The following NIBAN1 variants were observed in gnomAD, a reference collection of about 807,000 sequenced individuals.
The protein encoded by NIBAN1 is protein Niban 1.
In NIBAN1, 81 loss-of-function variants were observed where a neutral mutation model predicts 75.1. The ratio of observed to expected loss-of-function variants is 1.08; its 90% CI spans 0.90 to 1.30. The LOEUF is 1.30. Among genes scored for constraint, NIBAN1 ranks in the 50% most tolerant of loss-of-function variants. The pLI, the probability that NIBAN1 is intolerant of heterozygous loss-of-function variation, is 0.00. For synonymous variants in NIBAN1, 436 were observed against 424.8 expected (o/e 1.03, Z -0.32); for missense variants, 1,133 against 1,128.1 (o/e 1.00, Z -0.06).
intron 9 of NIBAN1, among the ~76,000 whole-genome samples, chr1:184,816,477 G>A (rs944000193): frequency 6.6e-6 from 1 of 152,214 alleles, no homozygotes; most frequent in African/African-American, 2.4e-5. Flanking sequence ...TGAAAACCTG[G>A]CCCAAGAGGG....
chr1:184,971,915 TATC>T (rs1298761226), intron 1 of NIBAN1, among the ~76,000 whole-genome samples: 1 of 152,242 alleles, frequency 6.6e-6, no homozygotes, highest in Non-Finnish European at 1.5e-5. Flanking sequence ...GTAGATGATA[TATC>T]TTTACCTGAA....
At chr1:184,937,096 A>AT (rs1657981526) in intron 1 of NIBAN1, among the ~76,000 whole-genome samples, 2 of 150,856 alleles carry the variant, frequency 1.3e-5, no homozygotes, top group Admixed American at 6.6e-5. Flanking sequence ...ATATTATGTA[A>AT]TACTGAGGAC....
intron 5 of NIBAN1, among the ~76,000 whole-genome samples, chr1:184,884,149 C>T (rs1450097198): frequency 6.6e-6 from 1 of 151,744 alleles, no homozygotes; most frequent in Non-Finnish European, 1.5e-5. Context: ...AGGTGAGGCT[C>T]CTTGTGCACA....
intron 5 of NIBAN1, among the ~76,000 whole-genome samples, chr1:184,882,731 G>A (rs1404578854): frequency 6.6e-6 from 1 of 152,148 alleles, no homozygotes; most frequent in Non-Finnish European, 1.5e-5. Flanking sequence ...GTCCCATTTG[G>A]CTGGGCAGGG....
At chr1:184,861,074 C>T (rs1655803451) in intron 5 of NIBAN1, among the ~76,000 whole-genome samples, 1 of 152,204 alleles carries the variant, frequency 6.6e-6, no homozygotes, top group African/African-American at 2.4e-5. Context: ...AAATAGTAAA[C>T]ATTGTAGGCT....
At chr1:184,919,323 C>G (rs1003941592) in intron 1 of NIBAN1, among the ~76,000 whole-genome samples, 1 of 152,172 alleles carries the variant, frequency 6.6e-6, no homozygotes, top group African/African-American at 2.4e-5. Flanking sequence ...CCAAAGGGAG[C>G]GCTGGAGTGT....
At chr1:184,842,427 C>T (rs1655311633) in intron 5 of NIBAN1, among the ~76,000 whole-genome samples, 1 of 152,162 alleles carries the variant, frequency 6.6e-6, no homozygotes, top group Non-Finnish European at 1.5e-5. Flanking sequence ...ACTCCTCTAC[C>T]CAGCATTAGG....
intron 5 of NIBAN1, among the ~76,000 whole-genome samples, chr1:184,871,774 C>T (rs1656115455): frequency 1.3e-5 from 2 of 152,126 alleles, no homozygotes; most frequent in African/African-American, 4.8e-5. Flanking sequence ...TTGCAGAAAC[C>T]ACCCACATAC....
At chr1:184,938,937 TA>T (rs1208391114) in intron 1 of NIBAN1, among the ~76,000 whole-genome samples, 1 of 152,262 alleles carries the variant, frequency 6.6e-6, no homozygotes, top group Admixed American at 6.5e-5. Flanking sequence ...CTTCAGCAGC[TA>T]AATCGAGTTA....
intron 1 of NIBAN1, among the ~76,000 whole-genome samples, chr1:184,906,327 G>A (rs569775300): frequency 6.6e-6 from 1 of 151,354 alleles, no homozygotes; most frequent in South Asian, 2.1e-4. Flanking sequence ...ATTCATATCT[G>A]TTTATAAAAT....
intron 5 of NIBAN1, among the ~76,000 whole-genome samples, chr1:184,852,901 C>A (rs748950878): frequency 2.0e-5 from 3 of 152,138 alleles, no homozygotes; most frequent in Non-Finnish European, 4.4e-5. Context: ...TTGGACAGCG[C>A]TTGTCTAGGG....
intron 1 of NIBAN1, among the ~76,000 whole-genome samples, chr1:184,908,660 G>A (rs1171440231): frequency 6.6e-6 from 1 of 152,176 alleles, no homozygotes; most frequent in Non-Finnish European, 1.5e-5. Flanking sequence ...GCTATAAATA[G>A]ATGAAAGCTG....
chr1:184,826,027 C>T lies in NIBAN1; in HGVS notation c.718-2285G>A, dbSNP rs1654832299. ...TGCCCGTGAGCTCATTTGATCTTGC[C>T]TTTAATCAGGGCTCTGTCGCAGCAA... is the stretch of plus-strand genomic sequence containing the variant. On this transcript the variant is annotated intron_variant, in intron 6 of 13. Transcript: ENST00000367511. 2.6e-5 allele frequency among the ~76,000 whole-genome samples: 4 copies of T among 152,318 alleles called. No homozygotes were observed. In the South Asian group the frequency reaches 8.3e-4, roughly 32 times the overall value.
intron 5 of NIBAN1, among the ~76,000 whole-genome samples, chr1:184,870,614 A>G (rs1656081799): frequency 6.6e-6 from 1 of 152,212 alleles, no homozygotes. Context: ...CAGCCTCAGA[A>G]CCTCAAGGAT....
At position 184,903,733 on chromosome 1, in the gene NIBAN1, CTTTTT is replaced by C. The variant is rs368105582; in HGVS notation, c.56-4429_56-4425del. Among the ~76,000 whole-genome samples, 3 of 99,922 alleles carry C rather than the reference CTTTTT, an allele frequency of 3.0e-5. No individual in the cohort carries two copies. The Admixed American group carries it at 3.6e-4, about 12-fold the overall frequency. The allele number at this position is 99,922 out of a possible 152,430, so 65.6% of individuals were successfully genotyped here. A position where few individuals can be genotyped will look rare whatever the true frequency, so the allele number is the denominator to read the frequency against. On this transcript the variant is annotated intron_variant, in intron 1 of 13. Transcript: ENST00000367511. ...ACCAAGAACCATGAGCCGATTAAAC[CTTTTT>C]TTTTTTTTTTTTTTTTTGAGATAGT...
At chr1:184,865,817 A>C (rs188675224) in intron 5 of NIBAN1, among the ~76,000 whole-genome samples, 1 of 152,200 alleles carries the variant, frequency 6.6e-6, no homozygotes, top group East Asian at 1.9e-4. Flanking sequence ...CACAAATGAT[A>C]GTAGGCGATG....
intron 13 of NIBAN1, 98 bp downstream of exon 13, chr1:184,797,981 C>T: frequency 1.6e-6 from 1 of 609,980 alleles, no homozygotes; most frequent in Non-Finnish European, 2.8e-6. Flanking sequence ...ATGTCCATTT[C>T]CTCTTCTCTT....
At chr1:184,855,910 C>T (rs1054711723) in intron 5 of NIBAN1, among the ~76,000 whole-genome samples, 2 of 152,148 alleles carry the variant, frequency 1.3e-5, no homozygotes, top group East Asian at 1.9e-4. Flanking sequence ...TCATCTAGAC[C>T]CATGTTTCTA....
chr1:184,856,021 G>A (rs1217288010), intron 5 of NIBAN1, among the ~76,000 whole-genome samples: 1 of 152,178 alleles, frequency 6.6e-6, no homozygotes, highest in African/African-American at 2.4e-5. Context: ...GGGTTACGTA[G>A]TAATACTGCT....
Sources: gnomAD v4.1 joint callset for allele counts (sites outside exome capture counted in the v4.1 genomes callset) on GRCh38, gnomAD v4.1.1 for gene constraint, MANE v1.5 for transcripts, NCBI Gene and HGNC (gene_info 2026-07-23, HGNC 2026-07-21) for gene names.